NBN: variants seen among roughly 807,000 people sequenced by gnomAD.
NBN encodes the protein nibrin, also known as Nijmegen breakage syndrome 1 (nibrin).
NBN carries 88 observed loss-of-function variants against 90.8 expected under a neutral mutation model. That is an observed-to-expected ratio of 0.97 (90% CI 0.82 to 1.16). NBN has a LOEUF of 1.16. NBN is among the 50% of genes most tolerant of loss of function. The pLI is 0.00. For synonymous variants in NBN, 328 were observed against 295.1 expected, an observed-to-expected ratio of 1.11 and a Z score of -1.14; for missense variants, 894 against 869.6, an observed-to-expected ratio of 1.03 and a Z score of -0.35.
At chr8:89,965,455 CA>C (rs1811208128) in intron 7 of NBN, among the ~76,000 whole-genome samples, 1 of 151,708 alleles carries the variant, frequency 6.6e-6, no homozygotes, top group Non-Finnish European at 1.5e-5. Context: ...TTTTAACAAA[CA>C]ACTACAAAAT....
At chr8:89,978,182 T>C (rs764266452) in intron 5 of NBN, 38 bp downstream of exon 5, 1 of 1,529,406 alleles carries the variant, frequency 6.5e-7, no homozygotes. Flanking sequence ...TGCTATCATA[T>C]AAGTGACATC....
chr8:89,982,333 A>G (rs1474078772), intron 2 of NBN: 1 of 299,756 alleles, frequency 3.3e-6, no homozygotes, highest in Non-Finnish European at 6.4e-6. Flanking sequence ...AGGTCTGTTC[A>G]TTGTTCTATT....
chr8:89,940,448 G>A, intron 14 of NBN, among the ~76,000 whole-genome samples: 1 of 152,094 alleles, frequency 6.6e-6, no homozygotes, highest in East Asian at 1.9e-4. Context: ...GGCAAGACAA[G>A]AATGTTAGAA....
intron 1 of NBN, among the ~76,000 whole-genome samples, chr8:89,983,828 C>T (rs946897109): frequency 6.6e-6 from 1 of 152,040 alleles, no homozygotes; most frequent in African/African-American, 2.4e-5. Context: ...ACCTGTGAGT[C>T]TTCACAGTAT....
intron 13 of NBN, among the ~76,000 whole-genome samples, 191 bp downstream of exon 13, chr8:89,945,949 A>G (rs1270324912): frequency 6.6e-6 from 1 of 152,136 alleles, no homozygotes; most frequent in Admixed American, 6.5e-5. Context: ...GATGAAATCT[A>G]TTTCATTCTA....
chr8:89,944,446 C>T (rs1430366325), intron 13 of NBN, among the ~76,000 whole-genome samples: 2 of 152,202 alleles, frequency 1.3e-5, no homozygotes, highest in Non-Finnish European at 2.9e-5. Flanking sequence ...CATAAATGCT[C>T]CTAAGGACAA....
chr8:89,946,279 TG>T lies in NBN; in HGVS notation c.1930del (p.Gln644ArgfsTer13). The T allele has an allele frequency of 6.3e-7, 1 of 1,583,184 alleles. No individual in the cohort carries two copies. Among genetic ancestry groups the T allele is most frequent in the Non-Finnish European group, 8.7e-7 (1 of 1,152,226 alleles). On this transcript the variant is annotated frameshift_variant, in exon 13 of 16. Transcript: ENST00000265433. LOFTEE classifies it high-confidence loss of function. ...AKEISNNDKLQDDSEMLPKKL... is the reference protein window; with the variant it reads ...AKEISNNDKLXDDSEMLPKKL... ...TTTTGGAAGCATCTCACTATCATCC[TG>T]AAGTTTGTCATTGTTCTTAAATGGG...
At chr8:89,980,015 T>C (rs1347329188) in intron 4 of NBN, among the ~76,000 whole-genome samples, 1 of 152,212 alleles carries the variant, frequency 6.6e-6, no homozygotes, top group African/African-American at 2.4e-5. Context: ...AAATCTACTA[T>C]TTGTAAGTTT....
chr8:89,972,700 C>T (rs1269696867), intron 5 of NBN, among the ~76,000 whole-genome samples: 1 of 152,172 alleles, frequency 6.6e-6, no homozygotes, highest in Non-Finnish European at 1.5e-5. Context: ...CCAACTAACA[C>T]TTTACTTATA....
intron 9 of NBN, 129 bp from the exon 10 acceptor site, chr8:89,955,684 G>T: frequency 9.2e-7 from 1 of 1,083,120 alleles, no homozygotes; most frequent in Non-Finnish European, 1.3e-6. Flanking sequence ...AAAATACACT[G>T]AATATATTTT....
At chr8:89,983,112 A>T (rs1812154966) in intron 1 of NBN, among the ~76,000 whole-genome samples, 1 of 152,168 alleles carries the variant, frequency 6.6e-6, no homozygotes, top group South Asian at 2.1e-4. Flanking sequence ...AATAAAAAAG[A>T]GAAAAAGAAA....
chr8:89,982,938 T>A, intron 1 of NBN, 83 bp from the exon 2 acceptor site: 10 of 1,357,264 alleles, frequency 7.4e-6, no homozygotes, highest in Non-Finnish European at 1.0e-5. Flanking sequence ...TGTAAGTGTA[T>A]ATGATATAGG....
At chr8:89,978,489 T>G (rs1053144754) in intron 4 of NBN, 166 bp from the exon 5 acceptor site, 1 of 178,178 alleles carries the variant, frequency 5.6e-6, no homozygotes, top group Non-Finnish European at 1.1e-5. Flanking sequence ...AAAATAGAAG[T>G]CGGTCTTTGG....
At chr8:89,958,895 A>G in intron 8 of NBN, 41 bp from the exon 9 acceptor site, 1 of 1,609,528 alleles carries the variant, frequency 6.2e-7, no homozygotes, top group East Asian at 2.2e-5. Flanking sequence ...CACAACTGCT[A>G]GATAGAAGAT....
intron 13 of NBN, among the ~76,000 whole-genome samples, chr8:89,944,867 G>A (rs1163725497): frequency 6.6e-6 from 1 of 152,068 alleles, no homozygotes; most frequent in East Asian, 1.9e-4. Flanking sequence ...AGGTGTGAGC[G>A]ACCAGGCCCA....
chr8:89,975,122 C>A (rs551398889), intron 5 of NBN, among the ~76,000 whole-genome samples: 13 of 152,328 alleles, frequency 8.5e-5, no homozygotes, highest in African/African-American at 3.1e-4. Flanking sequence ...TACTTTACTA[C>A]TTTGATGACA....
At chr8:89,979,525 TTTG>T (rs13312868) in intron 4 of NBN, among the ~76,000 whole-genome samples, 134 of 151,536 alleles carry the variant, frequency 8.8e-4, no homozygotes, top group African/African-American at 2.9e-3. Context: ...GAACGCTTTT[TTTG>T]TTGTTGTTGT....
chr8:89,938,149 A>G (rs913204427), intron 14 of NBN, among the ~76,000 whole-genome samples: 2 of 152,154 alleles, frequency 1.3e-5, no homozygotes, highest in Non-Finnish European at 2.9e-5. Context: ...ACCTTCTGTT[A>G]TAATTATTTA....
intron 13 of NBN, 55 bp from the exon 14 acceptor site, chr8:89,943,421 T>C: frequency 6.6e-7 from 1 of 1,523,916 alleles, no homozygotes; most frequent in Non-Finnish European, 9.0e-7. Context: ...AAAATGACCA[T>C]TTTTTTAAAA....
Sources: allele counts gnomAD v4.1 joint callset (sites outside exome capture counted in the v4.1 genomes callset), GRCh38; gene constraint gnomAD v4.1.1; transcripts MANE v1.5; gene names NCBI Gene and HGNC (gene_info 2026-07-23, HGNC 2026-07-21).